OR51B5: variants seen among roughly 807,000 people sequenced by gnomAD.
OR51B5 encodes the protein olfactory receptor 51B5.
For synonymous variants in OR51B5, 186 were observed against 144.8 expected (o/e 1.28, Z -2.04); for missense variants, 456 against 374.6 (o/e 1.22, Z -1.79).
chr11:5,366,346 C>A (rs1849367358), intron 1 of OR51B5, among the ~76,000 whole-genome samples: 1 of 152,134 alleles, frequency 6.6e-6, no homozygotes, highest in Admixed American at 6.5e-5. Flanking sequence ...CAGACTCATG[C>A]CTGTAATCCC....
chr11:5,372,137 C>CA (rs1253136493), intron 1 of OR51B5, among the ~76,000 whole-genome samples: 4 of 152,106 alleles, frequency 2.6e-5, no homozygotes, highest in African/African-American at 9.7e-5. Context: ...CATATACAGA[C>CA]CTGTCACAAT....
intron 1 of OR51B5, chr11:5,383,755 A>C (rs1019811491): frequency 6.6e-6 from 1 of 152,154 alleles, no homozygotes; most frequent in African/African-American, 2.4e-5. Flanking sequence ...TTTGTTTACC[A>C]TTAAGTTCTC....
intron 1 of OR51B5, among the ~76,000 whole-genome samples, chr11:5,396,741 G>A (rs543946644): frequency 3.3e-4 from 50 of 151,828 alleles, no homozygotes; most frequent in Admixed American, 9.2e-4. Flanking sequence ...AGCCCGCATC[G>A]CCAAGTCAAT....
At chr11:5,446,546 G>A (rs1850766252) in intron 1 of OR51B5, among the ~76,000 whole-genome samples, 1 of 152,044 alleles carries the variant, frequency 6.6e-6, no homozygotes, top group Non-Finnish European at 1.5e-5. Flanking sequence ...CTAACCCCAA[G>A]CATCTTTTAT....
intron 1 of OR51B5, chr11:5,403,636 A>G (rs1259165346): frequency 5.1e-6 from 2 of 395,974 alleles, no homozygotes; most frequent in Non-Finnish European, 1.0e-5. Flanking sequence ...TATGCGATTG[A>G]TATCACCTTA....
At chr11:5,442,346 A>G (rs944168011) in intron 1 of OR51B5, among the ~76,000 whole-genome samples, 2 of 152,158 alleles carry the variant, frequency 1.3e-5, no homozygotes, top group Non-Finnish European at 2.9e-5. Context: ...ACCTTTATTC[A>G]TTCTTAACCT....
At chr11:5,453,538 T>C (rs773209144) in intron 1 of OR51B5, 77 of 1,597,738 alleles carry the variant, frequency 4.8e-5, no homozygotes, top group Non-Finnish European at 6.1e-5. Context: ...CTGACTGGTA[T>C]CCCTGGTCTG....
Position 5,406,374 on chromosome 11 carries a change from AGACAACATCAG to A in OR51B5, n.85-59475_85-59465del, listed in dbSNP as rs199689113. 1.6e-4 allele frequency among the ~76,000 whole-genome samples: 24 copies of A among 152,258 alleles called. 1 individual carries two copies. The East Asian group carries it at 4.6e-3, about 29-fold the overall frequency. ...TCTTTATCCTGAAGTCCAGTCTCAG[AGACAACATCAG>A]GTTCAGGAAGAATCCTAGAAAATCA... On this transcript the variant is annotated intron_variant and non_coding_transcript_variant, in intron 1 of 4. Coordinates refer to the OR51B5 transcript ENST00000415970.
At chr11:5,404,656 T>G (rs1850033297) in intron 1 of OR51B5, among the ~76,000 whole-genome samples, 1 of 152,222 alleles carries the variant, frequency 6.6e-6, no homozygotes, top group Non-Finnish European at 1.5e-5. Flanking sequence ...GTGGAAGCTT[T>G]GTTCTTTTGC....
At chr11:5,362,530 G>A (rs1475352019) in intron 1 of OR51B5, 3 of 161,394 alleles carry the variant, frequency 1.9e-5, no homozygotes, top group Non-Finnish European at 4.1e-5. Context: ...TAGTCAGAGA[G>A]CAGAGATGAA....
At chr11:5,429,067 A>G (rs1850492721) in intron 1 of OR51B5, among the ~76,000 whole-genome samples, 1 of 152,144 alleles carries the variant, frequency 6.6e-6, no homozygotes, top group Non-Finnish European at 1.5e-5. Flanking sequence ...CTTGTAACTC[A>G]TGACTCAGCT....
intron 1 of OR51B5, among the ~76,000 whole-genome samples, chr11:5,483,514 A>AAAAAAGAAAAGAAAAGAAAAG (rs1554896858): frequency 6.4e-5 from 9 of 140,930 alleles, no homozygotes; most frequent in Non-Finnish European, 1.4e-4. Flanking sequence ...TAATTAAAAA[A>AAAAAAGAAAAGAAAAGAAAAG]AAAAGAAAAG....
intron 1 of OR51B5, among the ~76,000 whole-genome samples, chr11:5,427,677 CAAAT>C (rs778934679): frequency 6.6e-5 from 10 of 151,870 alleles, no homozygotes; most frequent in South Asian, 2.1e-4. Flanking sequence ...ACTTATCTGA[CAAAT>C]AAAACCAGCA....
chr11:5,463,559 T>C (rs796916957), intron 1 of OR51B5, among the ~76,000 whole-genome samples: 12 of 152,360 alleles, frequency 7.9e-5, no homozygotes, highest in African/African-American at 2.4e-4. Flanking sequence ...ATCCCAGTTT[T>C]AAAACACTGA....
At chr11:5,414,806 A>G (rs2133753847) in intron 1 of OR51B5, among the ~76,000 whole-genome samples, 1 of 152,232 alleles carries the variant, frequency 6.6e-6, no homozygotes, top group East Asian at 1.9e-4. Context: ...AGAGATTTAG[A>G]CTCCCACACT....
chr11:5,441,577 T>G, intron 1 of OR51B5: 1 of 1,241,508 alleles, frequency 8.1e-7, no homozygotes, highest in Non-Finnish European at 1.1e-6. Context: ...CTTCACTTTC[T>G]TTCAGATATC....
At chr11:5,361,084 T>C (rs944861166) in intron 1 of OR51B5, among the ~76,000 whole-genome samples, 1 of 152,122 alleles carries the variant, frequency 6.6e-6, no homozygotes, top group Non-Finnish European at 1.5e-5. Context: ...GGCACATGTA[T>C]ACATATGTAA....
At position 5,439,096 on chromosome 11, in the gene OR51B5, C is replaced by T. The variant is rs536396955; in HGVS notation, n.84+66473G>A. Among the ~76,000 whole-genome samples, 571 of 143,416 alleles carry T rather than the reference C, an allele frequency of 4.0e-3. 1 individual carries two copies. Among genetic ancestry groups the T allele is most frequent in the African/African-American group, 0.014 (537 of 38,830 alleles). 94.1% of individuals were successfully genotyped at this position (143,416 alleles called of 152,430 possible). ...AATCAACTGTTCTTTCTCTCTCTCT[C>T]GTCCTCTCTCTCTCTCTCTCTCTTC... On this transcript the variant is annotated intron_variant and non_coding_transcript_variant, in intron 1 of 4. Transcript: ENST00000415970.
intron 1 of OR51B5, among the ~76,000 whole-genome samples, chr11:5,462,898 A>G (rs12270900): frequency 0.05 from 7,546 of 152,314 alleles, 635 homozygotes; most frequent in African/African-American, 0.17. Context: ...GTATGAAGTC[A>G]TCAGTTACTT....
Sources: gnomAD v4.1 joint callset for allele counts (sites outside exome capture counted in the v4.1 genomes callset) on GRCh38, gnomAD v4.1.1 for gene constraint, MANE v1.5 for transcripts, NCBI Gene and HGNC (gene_info 2026-07-23, HGNC 2026-07-21) for gene names.